Variants in TENT2 observed in about 807,000 individuals in gnomAD.
TENT2 encodes terminal nucleotidyltransferase 2, also known as poly(A) RNA polymerase GLD2.
A neutral mutation model predicts 72.2 loss-of-function variants in TENT2; 44 were observed. The observed-to-expected ratio is 0.61, with a 90% CI of 0.48 to 0.78. The LOEUF is 0.78. TENT2 is among the 30% of genes least tolerant of loss of function. The pLI is 0.00. For missense variants in TENT2, 541 were observed against 569.6 expected (o/e 0.95, Z 0.51); for synonymous variants, 212 against 192.5 (o/e 1.10, Z -0.84).
At chr5:79,667,042 G>A (rs1808734490) in intron 11 of TENT2, among the ~76,000 whole-genome samples, 1 of 152,176 alleles carries the variant, frequency 6.6e-6, no homozygotes, top group Non-Finnish European at 1.5e-5. Context: ...GAGAAGACTG[G>A]CCAAATTGTC....
chr5:79,618,402 A>AT (rs60143301), intron 1 of TENT2, among the ~76,000 whole-genome samples: 29,899 of 145,284 alleles, frequency 0.21, 4,340 homozygotes, highest in African/African-American at 0.42. Context: ...AATTTTTTTG[A>AT]TTTTTTTTTT....
intron 4 of TENT2, among the ~76,000 whole-genome samples, chr5:79,627,796 C>CT (rs1444299807): frequency 6.6e-6 from 1 of 152,110 alleles, no homozygotes; most frequent in Non-Finnish European, 1.5e-5. Flanking sequence ...GAACCAATTT[C>CT]TTTGAGTGCC....
chr5:79,677,437 G>GT (rs1472446137), intron 12 of TENT2, among the ~76,000 whole-genome samples: 5 of 152,130 alleles, frequency 3.3e-5, no homozygotes, highest in African/African-American at 1.2e-4. Context: ...TAGAAATACA[G>GT]TGGTAAAGAT....
chr5:79,615,445 A>G (rs1758917619), intron 1 of TENT2, among the ~76,000 whole-genome samples: 1 of 152,208 alleles, frequency 6.6e-6, no homozygotes, highest in South Asian at 2.1e-4. Flanking sequence ...TTTTAATTCT[A>G]GTTTTTCTGA....
At chr5:79,678,359 A>C (rs140038330) in intron 12 of TENT2, among the ~76,000 whole-genome samples, 6 of 152,246 alleles carry the variant, frequency 3.9e-5, no homozygotes, top group African/African-American at 1.4e-4. Flanking sequence ...AGTGTAGGGT[A>C]AGTGTTGGAA....
intron 4 of TENT2, among the ~76,000 whole-genome samples, chr5:79,639,142 C>CT (rs1293753144): frequency 7.2e-4 from 105 of 145,864 alleles, no homozygotes; most frequent in African/African-American, 1.4e-3. Flanking sequence ...AAAAGGACGC[C>CT]TTTTTTTTTT....
intron 8 of TENT2, among the ~76,000 whole-genome samples, chr5:79,647,176 T>C (rs1312677264): frequency 6.6e-6 from 1 of 152,196 alleles, no homozygotes; most frequent in Non-Finnish European, 1.5e-5. Flanking sequence ...ATTGAGTGAA[T>C]AAATTGTCAT....
chr5:79,626,151 T>A (rs1411278757), intron 4 of TENT2, among the ~76,000 whole-genome samples: 2 of 151,746 alleles, frequency 1.3e-5, no homozygotes, highest in African/African-American at 4.8e-5. Flanking sequence ...TAAAAAACTT[T>A]AGAGATGAGG....
rs1580734163 is a variant in TENT2, at chr5:79,687,530, A to G, written c.*2257A>G. 6.6e-6 allele frequency among the ~76,000 whole-genome samples: 1 copy of G among 152,210 alleles called. No homozygotes were observed. The highest frequency in any genetic ancestry group is 1.5e-5 in the Non-Finnish European group (1 of 68,034). On this transcript the variant is annotated 3_prime_UTR_variant, in exon 15 of 15. Coordinates refer to ENST00000453514, the MANE Select transcript of TENT2 (RefSeq NM_001114394.3). The stretch of plus-strand genomic sequence containing the variant: ...TTAAATCATCTCTAAATTACCTGAT[A>G]CGTAATACAATGTAAATGCTATGTA...
intron 11 of TENT2, among the ~76,000 whole-genome samples, chr5:79,666,261 T>C (rs1253046273): frequency 6.6e-6 from 1 of 152,176 alleles, no homozygotes; most frequent in Non-Finnish European, 1.5e-5. Context: ...AGTGCTGGGA[T>C]TACAGGCATG....
chr5:79,616,526 C>T (rs1157546606), intron 1 of TENT2, among the ~76,000 whole-genome samples: 8 of 152,056 alleles, frequency 5.3e-5, no homozygotes, highest in Non-Finnish European at 1.0e-4. Flanking sequence ...CCGTGTTGCC[C>T]AGGCTGGTCT....
chr5:79,665,345 C>G (rs1806600537), intron 11 of TENT2, among the ~76,000 whole-genome samples: 2 of 152,076 alleles, frequency 1.3e-5, no homozygotes, highest in Admixed American at 1.3e-4. Context: ...GAACGGTTTT[C>G]AAATAGAAGG....
rs751289067 is a variant in TENT2 at position 79,623,286 on chromosome 5, G to A, written c.262G>A (p.Gly88Ser). ...LSDEKNLPLD[G>S]KRQRFHSPHQ... ...CGATGAAAAAAACCTTCCTCTTGACGGTAAACGGCAACGTTTCCATTCACC... is the reference window on the plus strand; with the variant it reads ...CGATGAAAAAAACCTTCCTCTTGACAGTAAACGGCAACGTTTCCATTCACC... Residue 88 changes from glycine to serine, a missense_variant, in exon 4 of 15, where the codon GGT (glycine) becomes AGT (serine). By Grantham distance (56) the Gly-to-Ser change is moderately conservative. Transcript: ENST00000453514. The A allele has an allele frequency of 7.4e-6, 12 of 1,612,136 alleles. No individual in the cohort carries two copies. Among genetic ancestry groups the A allele is most frequent in the South Asian group, 3.3e-5 (3 of 90,818 alleles).
At position 79,666,692 on chromosome 5, in the gene TENT2, T is replaced by C. The variant is rs1209389623; in HGVS notation, c.1072-2200T>C. On this transcript the variant is annotated intron_variant, in intron 11 of 14. Coordinates refer to ENST00000453514, the MANE Select transcript of TENT2 (RefSeq NM_001114394.3). ...TATTTGATAATAACCTAAATTTCTT[T>C]CTGTTTGCCTGGAGATGGAAAGTGA... 2.6e-5 allele frequency among the ~76,000 whole-genome samples: 4 copies of C among 152,202 alleles called. No homozygotes were observed. In the South Asian group the frequency reaches 6.2e-4, roughly 24 times the overall value.
At chr5:79,643,986 C>CTTTTTTTTTTTTTTTTTTTTTTTT (rs555747246) in intron 7 of TENT2, among the ~76,000 whole-genome samples, 1 of 142,260 alleles carries the variant, frequency 7.0e-6, no homozygotes, top group African/African-American at 2.6e-5. Context: ...TTGATATATT[C>CTTTTTTTTTTTTTTTTTTTTTTTT]TTTTTTTTTT....
At chr5:79,628,411 G>C (rs1269292496) in intron 4 of TENT2, among the ~76,000 whole-genome samples, 1 of 152,236 alleles carries the variant, frequency 6.6e-6, no homozygotes, top group African/African-American at 2.4e-5. Context: ...AGTGGGCTTG[G>C]AAGGTGGTGA....
intron 4 of TENT2, among the ~76,000 whole-genome samples, chr5:79,631,794 G>A (rs1411021040): frequency 6.6e-6 from 1 of 152,168 alleles, no homozygotes; most frequent in Admixed American, 6.5e-5. Flanking sequence ...TCATGAATAA[G>A]GTTTCCCACA....
chr5:79,627,374 A>G (rs1229201980), intron 4 of TENT2, among the ~76,000 whole-genome samples: 1 of 152,242 alleles, frequency 6.6e-6, no homozygotes, highest in African/African-American at 2.4e-5. Context: ...GGTAAAGTAC[A>G]GTTCTGTATC....
At chr5:79,652,469 G>A (rs1391301663) in intron 10 of TENT2, among the ~76,000 whole-genome samples, 1 of 152,018 alleles carries the variant, frequency 6.6e-6, no homozygotes, top group African/African-American at 2.4e-5. Flanking sequence ...GTTTAGCAAA[G>A]TTCTCTGTAC....
Sources: gnomAD v4.1 joint callset for allele counts (sites outside exome capture counted in the v4.1 genomes callset) on GRCh38, gnomAD v4.1.1 for gene constraint, MANE v1.5 for transcripts, NCBI Gene and HGNC (gene_info 2026-07-23, HGNC 2026-07-21) for gene names.